The following AARSD1 variants were observed in gnomAD, a reference collection of about 807,000 sequenced individuals.
The protein encoded by AARSD1 is alanyl-tRNA synthetase domain containing 1.
In AARSD1, 44 loss-of-function variants were observed where a neutral mutation model predicts 48.7. The ratio of observed to expected loss-of-function variants is 0.90; its 90% CI spans 0.71 to 1.16. The LOEUF (loss-of-function observed/expected upper bound fraction) is 1.16, where lower values mean the gene tolerates loss of function less well. Ranked by LOEUF, AARSD1 falls within the 50% of genes most tolerant of loss-of-function variation. AARSD1 has a pLI of 0.00. For synonymous variants in AARSD1, 189 were observed against 194.9 expected, an observed-to-expected ratio of 0.97 and a Z score of 0.25; for missense variants, 511 against 523.1, an observed-to-expected ratio of 0.98 and a Z score of 0.23.
At chr17:42,954,016 A>G in intron 9 of AARSD1, 1 of 552,416 alleles carries the variant, frequency 1.8e-6, no homozygotes, top group Non-Finnish European at 3.3e-6. Context: ...CACCAGGATA[A>G]GCAGAAATCT....
intron 3 of AARSD1, among the ~76,000 whole-genome samples, chr17:42,960,134 T>TG (rs1325779460): frequency 1.3e-5 from 2 of 151,262 alleles, no homozygotes; most frequent in African/African-American, 4.9e-5. Context: ...CCAGGCATGG[T>TG]GGCACGCACC....
intron 3 of AARSD1, 97 bp downstream of exon 3, chr17:42,961,095 G>A: frequency 6.9e-7 from 1 of 1,455,680 alleles, no homozygotes; most frequent in South Asian, 1.5e-5. Context: ...TTTTCCAAAA[G>A]GTTAACTCCT....
In AARSD1 at chr17:42,955,179, G is replaced by T; in HGVS notation, c.840C>A (p.Asn280Lys). The T allele has an allele frequency of 1.9e-6, 3 of 1,614,102 alleles. No individual in the cohort carries two copies. In the African/African-American group the frequency reaches 4.0e-5, roughly 22 times the overall value. ...TCACCTTCTGCAGGATCTTGGTGGA[G>T]TTCTGGAGCTTTTTCACTGCTTCCA... ...DHVEAVKKLQ[N>K]STKILQKNNL... The change falls in exon 8 of 12, where the codon AAC becomes AAA. Residue 280 changes from asparagine to lysine, a missense_variant. Transcript: ENST00000427569.
chr17:42,964,359 T>C (rs904139004), intron 1 of AARSD1, 43 bp downstream of exon 1: 2 of 1,567,168 alleles, frequency 1.3e-6, no homozygotes, highest in African/African-American at 1.4e-5. Context: ...CCAAACCGCC[T>C]TGCCGGCCCG....
chr17:42,955,811 GAGGTAATCGAAGGTACTGAAAC>G lies in AARSD1; in HGVS notation c.794+9_794+30del. On this transcript the variant is annotated intron_variant, in intron 7 of 11. Transcript: ENST00000427569. ...ATTATGTCGAAAATCTCAGAAATGG[GAGGTAATCGAAGGTACTGAAAC>G]AGGCATACTTAAGCAGAGCAGTCAG... The G allele has an allele frequency of 6.2e-7, 1 of 1,613,066 alleles. No homozygotes were observed. The highest frequency in any genetic ancestry group is 1.1e-5 in the South Asian group (1 of 91,044).
chr17:42,955,807 A>G (rs746482512), intron 7 of AARSD1, 35 bp downstream of exon 7: 8 of 1,612,940 alleles, frequency 5.0e-6, no homozygotes, highest in South Asian at 1.1e-5. Context: ...AATCTCAGAA[A>G]TGGGAGGTAA....
chr17:42,952,703 A>C (rs1412478962), intron 10 of AARSD1, among the ~76,000 whole-genome samples: 2 of 152,088 alleles, frequency 1.3e-5, no homozygotes, highest in Non-Finnish European at 2.9e-5. Context: ...AACAAACAAA[A>C]GACCTGGAAA....
At chr17:42,958,349 A>C (rs971672952) in intron 3 of AARSD1, among the ~76,000 whole-genome samples, 3 of 151,764 alleles carry the variant, frequency 2.0e-5, no homozygotes, top group African/African-American at 7.3e-5. Context: ...AAAAATACAA[A>C]AATTAGCCGG....
Position 42,950,568 on chromosome 17 carries a change from A to G in AARSD1, c.*25T>C. Reference sequence around the variant, plus strand: ...TTATTGACCAAAAGATTCCTGTGGAAACAGGAGGTGAGTGCCCTAAGCCCT... The same window carrying G: ...TTATTGACCAAAAGATTCCTGTGGAGACAGGAGGTGAGTGCCCTAAGCCCT... On this transcript the variant is annotated 3_prime_UTR_variant, in exon 12 of 12. Coordinates refer to ENST00000427569, the MANE Select transcript of AARSD1 (RefSeq NM_001261434.2). 6.4e-7 allele frequency: 1 copy of G among 1,557,572 alleles called. No individual in the cohort carries two copies. The highest frequency in any genetic ancestry group is 1.9e-5 in the Admixed American group (1 of 51,712).
chr17:42,956,560 CCT>C lies in AARSD1; in HGVS notation c.390-2_390-1del, dbSNP rs780169355. The C allele has an allele frequency of 4.4e-6, 7 of 1,608,864 alleles. No homozygotes were observed. The highest frequency in any genetic ancestry group is 1.3e-5 in the African/African-American group (1 of 74,756). Reference sequence around the variant, plus strand: ...TCGCACTCCGAAATCTCCCTAACTCCCTGTCAGAAGTACAGTGGCCACAGATA... The same window carrying C: ...TCGCACTCCGAAATCTCCCTAACTCCGTCAGAAGTACAGTGGCCACAGATA... On this transcript the variant is annotated splice_acceptor_variant, in intron 4 of 11. Coordinates refer to ENST00000427569, the MANE Select transcript of AARSD1 (RefSeq NM_001261434.2). LOFTEE classifies it high-confidence loss of function.
chr17:42,954,733 A>G (rs1034712391), intron 9 of AARSD1, 143 bp downstream of exon 9: 23 of 908,426 alleles, frequency 2.5e-5, no homozygotes, highest in Non-Finnish European at 3.8e-5. Flanking sequence ...GCGCCCGGCC[A>G]GTAACATATT....
intron 10 of AARSD1, among the ~76,000 whole-genome samples, chr17:42,952,632 T>C (rs1004326069): frequency 6.6e-6 from 1 of 151,896 alleles, no homozygotes. Flanking sequence ...ATCACGCCAC[T>C]GTACTCCAGC....
intron 2 of AARSD1, chr17:42,962,374 C>T (rs1304391496): frequency 6.0e-6 from 1 of 167,836 alleles, no homozygotes; most frequent in Non-Finnish European, 1.3e-5. Context: ...CTGTGCCAGC[C>T]CAAGAATACA....
intron 4 of AARSD1, among the ~76,000 whole-genome samples, chr17:42,956,918 C>G (rs530208497): frequency 2.0e-5 from 3 of 146,750 alleles, no homozygotes; most frequent in African/African-American, 7.5e-5. Context: ...CCGCCCGCCT[C>G]GGCCTCCCAA....
intron 10 of AARSD1, 35 bp downstream of exon 10, chr17:42,953,689 C>G: frequency 6.2e-7 from 1 of 1,614,086 alleles, no homozygotes; most frequent in Non-Finnish European, 8.5e-7. Context: ...AGGTCTCTAT[C>G]CAGGCCGGGG....
chr17:42,963,218 C>A (rs2049662071), intron 2 of AARSD1, among the ~76,000 whole-genome samples: 1 of 150,932 alleles, frequency 6.6e-6, no homozygotes, highest in African/African-American at 2.4e-5. Context: ...GTAGCTGGGA[C>A]TACAGGGGCC....
At chr17:42,955,252 G>C in intron 7 of AARSD1, 28 bp from the exon 8 acceptor site, 1 of 1,612,818 alleles carries the variant, frequency 6.2e-7, no homozygotes, top group Non-Finnish European at 8.5e-7. Context: ...GAGGAGACCT[G>C]CGCAGCTTCC....
In AARSD1 at chr17:42,956,259, C is replaced by T; in HGVS notation, c.608G>A (p.Gly203Asp). Reference protein sequence around the residue: ...AGPIRVVNIEGVDSNMCCGTH... With the variant: ...AGPIRVVNIEDVDSNMCCGTH... ...CCCACAGCACATGTTGGAATCAACG[C>T]CCTCGATGTTAACAACCCGAATGGG... The change falls in exon 6 of 12, where the codon GGC (glycine) becomes GAC (aspartate). Residue 203 changes from glycine (G) to aspartate (D), a missense_variant. Gly to Asp is a moderately conservative substitution (Grantham distance 94, BLOSUM62 -1). Transcript: ENST00000427569. 1 of 1,614,128 alleles carries T rather than the reference C, an allele frequency of 6.2e-7. No individual in the cohort carries two copies. The highest frequency in any genetic ancestry group is 8.5e-7 in the Non-Finnish European group (1 of 1,180,046).
chr17:42,955,934 G>A lies in AARSD1; in HGVS notation c.702C>T (p.Asn234=). ...CAGACAGAAATATCAGGTTGGTTCT[G>A]TTCTTTTTCCCCTTCTCAGTGCCCA... ...KILGTEKGKK[N]RTNLIFLSGN... Residue 234 remains asparagine (N), a synonymous_variant, in exon 7 of 12, where the codon AAC becomes AAT. Transcript: ENST00000427569. 6.2e-7 allele frequency: 1 copy of A among 1,614,100 alleles called. No homozygotes were observed. The highest frequency in any genetic ancestry group is 1.1e-5 in the South Asian group (1 of 91,084).
Sources: allele counts gnomAD v4.1 joint callset (sites outside exome capture counted in the v4.1 genomes callset), GRCh38; gene constraint gnomAD v4.1.1; transcripts MANE v1.5; gene names NCBI Gene and HGNC (gene_info 2026-07-23, HGNC 2026-07-21).